Variants in ZNF536 observed in about 807,000 individuals in gnomAD.
ZNF536 encodes zinc finger protein 536.
ZNF536 carries 13 observed loss-of-function variants against 84.5 expected under a neutral mutation model. The ratio of observed to expected loss-of-function variants is 0.15; its 90% CI spans 0.10 to 0.24. The LOEUF (loss-of-function observed/expected upper bound fraction) is 0.24, where lower values mean the gene tolerates loss of function less well. Ranked by LOEUF, ZNF536 falls within the 10% of genes least tolerant of loss-of-function variation. The pLI is 1.00. For missense variants in ZNF536, 1,536 were observed against 1,747.5 expected, an observed-to-expected ratio of 0.88 and a Z score of 2.16; for synonymous variants, 811 against 742.5, an observed-to-expected ratio of 1.09 and a Z score of -1.50.
At chr19:30,242,589 C>G (rs1221454319) in intron 1 of ZNF536, among the ~76,000 whole-genome samples, 7 of 152,176 alleles carry the variant, frequency 4.6e-5, no homozygotes, top group East Asian at 1.9e-4. Flanking sequence ...GTCCCTGCCC[C>G]CAAGGGGATT....
intron 1 of ZNF536, among the ~76,000 whole-genome samples, chr19:30,440,659 T>C (rs2051993662): frequency 6.6e-6 from 1 of 152,122 alleles, no homozygotes; most frequent in Admixed American, 6.5e-5. Flanking sequence ...AGTAACATGT[T>C]GGGACAGAGA....
chr19:30,688,423 T>A (rs1239690826), intron 1 of ZNF536, among the ~76,000 whole-genome samples: 3 of 152,228 alleles, frequency 2.0e-5, no homozygotes, highest in African/African-American at 7.2e-5. Flanking sequence ...TCCTTAGGGC[T>A]TAAGATGCAC....
chr19:30,466,334 G>A (rs2053389713), intron 2 of ZNF536, among the ~76,000 whole-genome samples: 2 of 151,362 alleles, frequency 1.3e-5, no homozygotes, highest in African/African-American at 2.4e-5. Flanking sequence ...TTGATCCCAG[G>A]AGTTCAAGAC....
At chr19:30,358,366 C>A (rs1377051825) in intron 3 of ZNF536, among the ~76,000 whole-genome samples, 3 of 152,176 alleles carry the variant, frequency 2.0e-5, no homozygotes, top group Admixed American at 6.5e-5. Context: ...CTCCTCACCT[C>A]CCCCGGGATG....
intron 2 of ZNF536, among the ~76,000 whole-genome samples, chr19:30,506,368 C>T (rs186929094): frequency 6.8e-4 from 104 of 152,280 alleles, no homozygotes; most frequent in Non-Finnish European, 1.1e-3. Flanking sequence ...AAACAAACAA[C>T]AAAATCTAAG....
chr19:30,329,206 G>C (rs561745224), intron 2 of ZNF536, among the ~76,000 whole-genome samples: 15 of 152,342 alleles, frequency 9.8e-5, no homozygotes, highest in Non-Finnish European at 1.8e-4. Context: ...CAAGTGAACA[G>C]AACAGAGCCT....
At chr19:30,356,446 G>A (rs1362122378) in intron 3 of ZNF536, among the ~76,000 whole-genome samples, 1 of 152,208 alleles carries the variant, frequency 6.6e-6, no homozygotes, top group Non-Finnish European at 1.5e-5. Flanking sequence ...TCCTGCAGCA[G>A]TAATTACCTT....
upstream of ZNF536, among the ~76,000 whole-genome samples, chr19:30,226,628 C>A (rs1408887805): frequency 6.6e-6 from 1 of 152,092 alleles, no homozygotes; most frequent in African/African-American, 2.4e-5. The surrounding 1 kb of genome is among the most constrained non-coding windows in gnomAD (Gnocchi z 4.6). Context: ...GCAGCACCTG[C>A]CCCAGCCGGG....
upstream of ZNF536, among the ~76,000 whole-genome samples, chr19:30,226,169 G>A (rs1397014352): frequency 6.6e-6 from 1 of 151,110 alleles, no homozygotes; most frequent in Admixed American, 6.6e-5. The surrounding 1 kb of genome is among the most constrained non-coding windows in gnomAD (Gnocchi z 4.6). Flanking sequence ...CCACCCGCGA[G>A]CGGCCCGCGA....
chr19:30,580,106 C>T (rs1286855237), intron 1 of ZNF536, among the ~76,000 whole-genome samples: 2 of 152,186 alleles, frequency 1.3e-5, no homozygotes, highest in Non-Finnish European at 2.9e-5. Flanking sequence ...TCAAGGTCCT[C>T]TCCTGCTCTC....
At chr19:30,341,601 T>A (rs1303631971) in intron 2 of ZNF536, among the ~76,000 whole-genome samples, 1 of 152,178 alleles carries the variant, frequency 6.6e-6, no homozygotes, top group African/African-American at 2.4e-5. Flanking sequence ...GGAGACCACC[T>A]TGAAATAAAC....
At chr19:30,294,873 A>G (rs1401712341) in intron 2 of ZNF536, among the ~76,000 whole-genome samples, 1 of 152,180 alleles carries the variant, frequency 6.6e-6, no homozygotes, top group African/African-American at 2.4e-5. Flanking sequence ...TGGAGGCTGC[A>G]TAGGTGTGGG....
chr19:30,577,263 C>T (rs114721966), intron 1 of ZNF536, among the ~76,000 whole-genome samples: 2,681 of 151,952 alleles, frequency 0.018, 65 homozygotes, highest in South Asian at 0.051. Flanking sequence ...GCCTTGTATG[C>T]CAAGTTTTAG....
chr19:30,480,865 A>G (rs2054052453), intron 2 of ZNF536, among the ~76,000 whole-genome samples: 1 of 152,128 alleles, frequency 6.6e-6, no homozygotes, highest in Non-Finnish European at 1.5e-5. Flanking sequence ...GCGAAACACC[A>G]TCTCTACCAA....
In ZNF536 at chr19:30,340,428, AATATCCCCT is replaced by A. The variant is rs543565965; in HGVS notation, c.-119-11938_-119-11930del. 1.6e-3 allele frequency among the ~76,000 whole-genome samples: 242 copies of A among 152,294 alleles called. 2 individuals carry two copies. Among genetic ancestry groups the A allele is most frequent in the African/African-American group, 5.3e-3 (222 of 41,572 alleles). ...TACAGTGCTCCCTGCTTTGGGTGTC[AATATCCCCT>A]AAGAACAGGGCTTGGACTCGATGCA... On this transcript the variant is annotated intron_variant, in intron 2 of 5. Coordinates refer to the ZNF536 transcript ENST00000585628.
chr19:30,499,864 G>A (rs948798892), intron 2 of ZNF536, among the ~76,000 whole-genome samples: 3 of 152,106 alleles, frequency 2.0e-5, no homozygotes, highest in African/African-American at 4.8e-5. Flanking sequence ...GTGGCTGCAT[G>A]GGTCAGGGGC....
chr19:30,647,320 G>T (rs1455839014), intron 1 of ZNF536, among the ~76,000 whole-genome samples: 2 of 152,134 alleles, frequency 1.3e-5, no homozygotes, highest in African/African-American at 4.8e-5. Context: ...TATAGGTGTT[G>T]CATAAGGGCT....
intron 1 of ZNF536, among the ~76,000 whole-genome samples, chr19:30,598,156 C>T (rs370441121): frequency 2.0e-5 from 3 of 152,170 alleles, no homozygotes; most frequent in East Asian, 1.9e-4. Context: ...GGCCCTGAGC[C>T]GTGTCCTCCT....
intron 1 of ZNF536, among the ~76,000 whole-genome samples, chr19:30,275,632 C>A (rs1426244589): frequency 6.6e-6 from 1 of 152,160 alleles, no homozygotes; most frequent in Non-Finnish European, 1.5e-5. Flanking sequence ...GAGCTCTTAA[C>A]CTCAGACACA....
Sources: gnomAD v4.1 joint callset for allele counts (sites outside exome capture counted in the v4.1 genomes callset) on GRCh38, gnomAD v4.1.1 for gene constraint, Gnocchi (gnomAD v3.1) non-coding constraint, MANE v1.5 for transcripts, NCBI Gene and HGNC (gene_info 2026-07-23, HGNC 2026-07-21) for gene names.